The following CDIP1 variants were observed in gnomAD, a reference collection of about 807,000 sequenced individuals.
CDIP1 encodes cell death inducing p53 target 1.
Under a neutral mutation model 17.7 loss-of-function variants are expected in CDIP1, and 9 were observed. That is an observed-to-expected ratio of 0.51 (90% confidence interval 0.31 to 0.89). The LOEUF is 0.89. CDIP1 is among the 40% of genes least tolerant of loss of function. The pLI, the probability that CDIP1 is intolerant of heterozygous loss-of-function variation, is 0.05. For synonymous variants in CDIP1, 117 were observed against 109.5 expected, an observed-to-expected ratio of 1.07 and a Z score of -0.43; for missense variants, 263 against 277.9, an observed-to-expected ratio of 0.95 and a Z score of 0.38.
At chr16:4,515,014 A>AAGAAG (rs1453982867) in intron 1 of CDIP1, 1 of 152,426 alleles carries the variant, frequency 6.6e-6, no homozygotes, top group Non-Finnish European at 1.5e-5. Context: ...GGTCAGGGGG[A>AAGAAG]AGAAGAGTCA....
chr16:4,528,995 A>AT (rs1555502009), intron 1 of CDIP1, among the ~76,000 whole-genome samples: 2 of 152,012 alleles, frequency 1.3e-5, no homozygotes, highest in Non-Finnish European at 2.9e-5. Context: ...ATCTCAAAAA[A>AT]ATATATATAT....
intron 1 of CDIP1, among the ~76,000 whole-genome samples, chr16:4,515,630 TCAAAAGACAAATGGC>T (rs1217472199): frequency 6.6e-6 from 1 of 152,158 alleles, no homozygotes; most frequent in African/African-American, 2.4e-5. Context: ...CAAAGACTTC[TCAAAAGACAAATGGC>T]CAAAAGCACA....
At chr16:4,518,304 C>T (rs947881589) in intron 1 of CDIP1, among the ~76,000 whole-genome samples, 3 of 152,238 alleles carry the variant, frequency 2.0e-5, no homozygotes, top group African/African-American at 7.2e-5. Flanking sequence ...CACATACAGC[C>T]TTGCCCATGA....
chr16:4,529,199 G>A (rs568597018), intron 1 of CDIP1, among the ~76,000 whole-genome samples: 40 of 152,090 alleles, frequency 2.6e-4, no homozygotes, highest in African/African-American at 8.7e-4. Context: ...ATCACCTCCC[G>A]GTACTCCAGG....
intron 1 of CDIP1, among the ~76,000 whole-genome samples, chr16:4,525,083 G>A (rs1045779601): frequency 1.3e-5 from 2 of 152,176 alleles, no homozygotes; most frequent in African/African-American, 4.8e-5. Flanking sequence ...CTGGGCAACA[G>A]AGTGAGACTC....
At position 4,521,087 on chromosome 16, in the gene CDIP1, G is replaced by GGTGT. The variant is rs35743524; in HGVS notation, c.-104-6427_-104-6424dup. ...TTACTGCTTTTTCTGATGCAACACT[G>GGTGT]GTGTGTGTGTGTGTGTGTGTGTACT... On this transcript the variant is annotated intron_variant, in intron 1 of 5. Coordinates refer to ENST00000567695, the MANE Select transcript of CDIP1 (RefSeq NM_013399.3). Among the ~76,000 whole-genome samples, 37 of 150,426 alleles carry GGTGT rather than the reference G, an allele frequency of 2.5e-4. No individual in the cohort carries two copies. The East Asian group carries it at 3.7e-3, about 15-fold the overall frequency.
chr16:4,520,392 C>A (rs1596488791), intron 1 of CDIP1, among the ~76,000 whole-genome samples: 1 of 152,106 alleles, frequency 6.6e-6, no homozygotes, highest in Non-Finnish European at 1.5e-5. Context: ...TGTGAGCCAC[C>A]GCACTTGACC....
chr16:4,512,590 C>A lies in CDIP1; in HGVS notation c.609G>T (p.Thr203=). The part of the protein sequence containing the change: ...TCPSCKAYIY[T]YKRLC The stretch of plus-strand genomic sequence containing the variant: ...AGCTCCGTTAGCACAGGCGCTTGTA[C>A]GTGTAGATGTAGGCTTTGCAGCTGG... Residue 203 remains threonine, a synonymous_variant, in exon 6 of 6, where the codon ACG becomes ACT. Coordinates refer to ENST00000567695, the MANE Select transcript of CDIP1 (RefSeq NM_013399.3). This position sits in a 1 kb window ranked among gnomAD's most constrained non-coding sequence, Gnocchi z 4.6. The A allele has an allele frequency of 6.2e-7, 1 of 1,613,492 alleles. No homozygotes were observed. The highest frequency in any genetic ancestry group is 1.1e-5 in the South Asian group (1 of 91,070).
chr16:4,522,948 GAATT>G (rs2058965704), intron 1 of CDIP1, among the ~76,000 whole-genome samples: 1 of 152,220 alleles, frequency 6.6e-6, no homozygotes, highest in Admixed American at 6.5e-5. Context: ...GGCGGTGTGA[GAATT>G]AAGTAAGGCA....
Position 4,512,729 on chromosome 16 carries a change from A to C in CDIP1, c.516-46T>G. 1 of 1,604,910 alleles carries C rather than the reference A, an allele frequency of 6.2e-7. No homozygotes were observed. Among genetic ancestry groups the C allele is most frequent in the East Asian group, 2.2e-5 (1 of 44,686 alleles). On this transcript the variant is annotated intron_variant, in intron 5 of 5. Transcript: ENST00000567695. This position sits in a 1 kb window ranked among gnomAD's most constrained non-coding sequence, Gnocchi z 4.6. ...AACAGGCTGAGGCCTGCTGCGGAGG[A>C]GGCAGAGGCAGCCAGTTGACCCTGG... is the stretch of plus-strand genomic sequence containing the variant.
At chr16:4,537,568 C>T (rs1051111736) in intron 1 of CDIP1, among the ~76,000 whole-genome samples, 2 of 152,190 alleles carry the variant, frequency 1.3e-5, no homozygotes, top group Non-Finnish European at 2.9e-5. Flanking sequence ...AACGTCCCTG[C>T]CCCCGGGCCC....
In CDIP1 at chr16:4,525,952, T is replaced by C. The variant is rs116701963; in HGVS notation, c.-104-11288A>G. ...ATTTATTTATTTTTACACTTGAAGA[T>C]GGGTGTATCTGATGCCTTGGGAATT... On this transcript the variant is annotated intron_variant, in intron 1 of 5. Transcript: ENST00000567695. Among the ~76,000 whole-genome samples the C allele has an allele frequency of 4.3e-3, 652 of 152,294 alleles. 3 individuals are homozygous for C. Among genetic ancestry groups the C allele is most frequent in the African/African-American group, 0.015 (613 of 41,566 alleles).
At chr16:4,519,679 C>T (rs189465625) in intron 1 of CDIP1, among the ~76,000 whole-genome samples, 1 of 152,146 alleles carries the variant, frequency 6.6e-6, no homozygotes, top group Non-Finnish European at 1.5e-5. Context: ...GTGGATTCCT[C>T]ATGAATAGAT....
intron 1 of CDIP1, among the ~76,000 whole-genome samples, chr16:4,531,496 A>T (rs2059056585): frequency 1.3e-5 from 2 of 152,158 alleles, no homozygotes. Context: ...GCCATCAGAG[A>T]TGACTGGGTC....
chr16:4,524,569 GC>G (rs2058981077), intron 1 of CDIP1, among the ~76,000 whole-genome samples: 2 of 152,282 alleles, frequency 1.3e-5, no homozygotes, highest in Admixed American at 1.3e-4. Context: ...CCGGAGCCAG[GC>G]CCTTCATCTT....
Position 4,513,634 on chromosome 16 carries a change from A to T in CDIP1, c.241+62T>A, listed in dbSNP as rs531745000. 3 of 1,467,130 alleles carry T rather than the reference A, an allele frequency of 2.0e-6. No individual in the cohort carries two copies. Among genetic ancestry groups the T allele is most frequent in the African/African-American group, 2.8e-5 (2 of 71,988 alleles). 90.9% of individuals were successfully genotyped at this position (1,467,130 alleles called of 1,614,324 possible). ...ATGCCCACCTGTACTGAGGACAGCC[A>T]GCGCAGGCCAGACAGCAGCCAGGAG... On this transcript the variant is annotated intron_variant, in intron 4 of 5. Coordinates refer to ENST00000567695, the MANE Select transcript of CDIP1 (RefSeq NM_013399.3). The surrounding 1 kb of genome is among the most constrained non-coding windows in gnomAD (Gnocchi z 4.1).
intron 1 of CDIP1, among the ~76,000 whole-genome samples, chr16:4,521,634 G>C (rs774467672): frequency 3.3e-5 from 5 of 151,342 alleles, no homozygotes; most frequent in Admixed American, 1.3e-4. Flanking sequence ...AGGCCGAGAC[G>C]GGAGGATTAC....
chr16:4,527,779 A>G (rs1206363322), intron 1 of CDIP1, among the ~76,000 whole-genome samples: 1 of 152,186 alleles, frequency 6.6e-6, no homozygotes, highest in African/African-American at 2.4e-5. Context: ...GATTAGCTAT[A>G]TAATGTAACT....
Position 4,512,592 on chromosome 16 carries a change from T to C in CDIP1, c.607A>G (p.Thr203Ala). 1.2e-6 allele frequency: 2 copies of C among 1,613,342 alleles called. No individual in the cohort carries two copies. Among genetic ancestry groups the C allele is most frequent in the Non-Finnish European group, 8.5e-7 (1 of 1,179,452 alleles). Residue 203 changes from threonine (T) to alanine (A), a missense_variant, in exon 6 of 6, where the codon ACG becomes GCG. Thr to Ala is a moderately conservative substitution (Grantham distance 58). Transcript: ENST00000567695. This position sits in a 1 kb window ranked among gnomAD's most constrained non-coding sequence, Gnocchi z 4.6. Reference sequence around the variant, plus strand: ...CTCCGTTAGCACAGGCGCTTGTACGTGTAGATGTAGGCTTTGCAGCTGGGG... The same window carrying C: ...CTCCGTTAGCACAGGCGCTTGTACGCGTAGATGTAGGCTTTGCAGCTGGGG... ...TCPSCKAYIY[T>A]YKRLC
Sources: allele counts gnomAD v4.1 joint callset (sites outside exome capture counted in the v4.1 genomes callset), GRCh38; gene constraint gnomAD v4.1.1; non-coding constraint Gnocchi (gnomAD v3.1); transcripts MANE v1.5; gene names NCBI Gene and HGNC (gene_info 2026-07-23, HGNC 2026-07-21).